SLC20A2: variants seen among roughly 807,000 people sequenced by gnomAD.
SLC20A2 encodes the protein sodium-dependent phosphate transporter 2.
Under a neutral mutation model 61.0 loss-of-function variants are expected in SLC20A2, and 30 were observed. The observed-to-expected ratio is 0.49, with a 90% CI of 0.37 to 0.67. The LOEUF is 0.67. Ranked by LOEUF, SLC20A2 falls within the 30% of genes least tolerant of loss-of-function variation. SLC20A2 has a pLI of 0.00. For missense variants in SLC20A2, 626 were observed against 866.4 expected (o/e 0.72, Z 3.48); for synonymous variants, 351 against 353.3 (o/e 0.99, Z 0.07).
chr8:42,536,198 TGCAGG>T (rs1812685487), intron 1 of SLC20A2, among the ~76,000 whole-genome samples: 1 of 152,232 alleles, frequency 6.6e-6, no homozygotes, highest in Non-Finnish European at 1.5e-5. Context: ...GTTTCTTTTA[TGCAGG>T]CCATCCCGAA....
At chr8:42,435,599 C>G (rs942188923) in intron 8 of SLC20A2, among the ~76,000 whole-genome samples, 2 of 152,148 alleles carry the variant, frequency 1.3e-5, no homozygotes, top group African/African-American at 4.8e-5. Context: ...CGCCCTGCTT[C>G]CTACACACCA....
intron 1 of SLC20A2, among the ~76,000 whole-genome samples, chr8:42,516,492 A>G (rs1811329642): frequency 6.6e-6 from 1 of 152,182 alleles, no homozygotes. Flanking sequence ...ATTGCTCTCT[A>G]GGGCAGCGCA....
intron 1 of SLC20A2, among the ~76,000 whole-genome samples, chr8:42,528,966 C>CTATTATTAT (rs113173529): frequency 3.4e-5 from 5 of 148,514 alleles, no homozygotes; most frequent in South Asian, 4.4e-4. Context: ...CGAGCCCGGC[C>CTATTATTAT]TATTATTATT....
At chr8:42,518,069 T>C (rs1395209136) in intron 1 of SLC20A2, among the ~76,000 whole-genome samples, 2 of 152,208 alleles carry the variant, frequency 1.3e-5, no homozygotes. Flanking sequence ...GCCTCCACAG[T>C]AGCTGGGACT....
At chr8:42,470,271 G>A in intron 2 of SLC20A2, among the ~76,000 whole-genome samples, 1 of 148,436 alleles carries the variant, frequency 6.7e-6, no homozygotes, top group Non-Finnish European at 1.5e-5. Context: ...ATGCTGGAGT[G>A]CAGTGGCACA....
At chr8:42,487,879 C>T (rs754436834) in intron 1 of SLC20A2, among the ~76,000 whole-genome samples, 6 of 152,192 alleles carry the variant, frequency 3.9e-5, no homozygotes, top group Non-Finnish European at 8.8e-5. Flanking sequence ...AAACTCTGTA[C>T]CCATTAGACA....
At chr8:42,487,155 G>A (rs1001176400) in intron 1 of SLC20A2, among the ~76,000 whole-genome samples, 14 of 147,818 alleles carry the variant, frequency 9.5e-5, no homozygotes, top group African/African-American at 3.0e-4. Context: ...GTGAGCCACC[G>A]TGCTTGGCCA....
In SLC20A2 at chr8:42,472,921, C is replaced by T. The variant is rs1447582189; in HGVS notation, c.-264-267G>A. Among the ~76,000 whole-genome samples, 1 of 152,174 alleles carries T rather than the reference C, an allele frequency of 6.6e-6. No homozygotes were observed. Among genetic ancestry groups the T allele is most frequent in the Non-Finnish European group, 1.5e-5 (1 of 68,034 alleles). ...GTAATCCTTACTAGGTTACATTTTTCATGCAATCGGAAAAACATATTTGGT... is the reference window on the plus strand; with the variant it reads ...GTAATCCTTACTAGGTTACATTTTTTATGCAATCGGAAAAACATATTTGGT... On this transcript the variant is annotated intron_variant, in intron 1 of 10. Transcript: ENST00000520262. The surrounding 1 kb of genome is among the most constrained non-coding windows in gnomAD (Gnocchi z 4.1).
chr8:42,483,972 T>C (rs1437032692), intron 1 of SLC20A2, among the ~76,000 whole-genome samples: 1 of 152,246 alleles, frequency 6.6e-6, no homozygotes, highest in Non-Finnish European at 1.5e-5. Flanking sequence ...TTATAAAACT[T>C]TTTGTTCCTG....
rs946277585 is a variant in SLC20A2 at position 42,472,793 on chromosome 8, G to A, written c.-264-139C>T. The A allele has an allele frequency of 3.7e-5, 6 of 161,308 alleles. No homozygotes were observed. Among genetic ancestry groups the A allele is most frequent in the African/African-American group, 1.2e-4 (5 of 41,530 alleles). The allele number at this position is 161,308 out of a possible 1,614,324, so 10.0% of individuals were successfully genotyped here. On this transcript the variant is annotated intron_variant, in intron 1 of 10. Transcript: ENST00000520262. This position sits in a 1 kb window ranked among gnomAD's most constrained non-coding sequence, Gnocchi z 4.1. ...CGGACCTAACCATAAAGCAATTCAA[G>A]GAAGATTATAATTAGGATAACCACC...
chr8:42,486,140 C>CTGTG (rs59925363), intron 1 of SLC20A2, among the ~76,000 whole-genome samples: 4,792 of 148,988 alleles, frequency 0.032, 66 homozygotes, highest in African/African-American at 0.039. Context: ...AGCTCTCTCA[C>CTGTG]TGTGTGTGTG....
In SLC20A2 at chr8:42,532,662, A is replaced by C. The variant is rs191645588; in HGVS notation, c.-265+9159T>G. Among the ~76,000 whole-genome samples, 456 of 152,326 alleles carry C rather than the reference A, an allele frequency of 3.0e-3. 3 individuals carry two copies. Among genetic ancestry groups the C allele is most frequent in the Non-Finnish European group, 5.1e-3 (349 of 68,034 alleles). On this transcript the variant is annotated intron_variant, in intron 1 of 10. Coordinates refer to the SLC20A2 transcript ENST00000342228. Reference sequence around the variant, plus strand: ...TAGTAATACCTATTAATAGAAAAAGAGCTCAAGGACCAAGTGCACAAGGAC... The same window carrying C: ...TAGTAATACCTATTAATAGAAAAAGCGCTCAAGGACCAAGTGCACAAGGAC...
At position 42,456,005 on chromosome 8, in the gene SLC20A2, A is replaced by C. The variant is rs1806165660; in HGVS notation, c.613+3891T>G. Among the ~76,000 whole-genome samples the C allele has an allele frequency of 2.6e-5, 4 of 152,282 alleles. 1 individual carries two copies. In the South Asian group the frequency reaches 8.3e-4, roughly 32 times the overall value. ...CTCACAACAACCCTATGAAGTATTT[A>C]TATTAGTATTTATATTATTCTTAGA... On this transcript the variant is annotated intron_variant, in intron 5 of 10. Coordinates refer to ENST00000520262, the MANE Select transcript of SLC20A2 (RefSeq NM_001257180.2).
chr8:42,451,144 CA>C (rs1805601502), intron 5 of SLC20A2, among the ~76,000 whole-genome samples: 1 of 150,080 alleles, frequency 6.7e-6, no homozygotes, highest in Admixed American at 6.7e-5. Flanking sequence ...GGAGGAGGAA[CA>C]GGGGGAGGAG....
Position 42,428,738 on chromosome 8 carries a change from C to G in SLC20A2, c.1794+20G>C. Reference sequence around the variant, plus strand: ...TGTCCCAGCGGCCTGGGGAAGGGCTCCCGGCTAGCAGGGGCCTACCTTACA... The same window carrying G: ...TGTCCCAGCGGCCTGGGGAAGGGCTGCCGGCTAGCAGGGGCCTACCTTACA... On this transcript the variant is annotated intron_variant, in intron 10 of 10. Transcript: ENST00000520262. 6.2e-7 allele frequency: 1 copy of G among 1,604,230 alleles called. No homozygotes were observed. The highest frequency in any genetic ancestry group is 1.1e-5 in the South Asian group (1 of 89,302).
At chr8:42,439,976 T>C (rs943953626) in intron 6 of SLC20A2, among the ~76,000 whole-genome samples, 2 of 150,942 alleles carry the variant, frequency 1.3e-5, no homozygotes, top group African/African-American at 4.9e-5. Flanking sequence ...TTCCAACTAC[T>C]TGGGAGGCTG....
At chr8:42,426,639 G>A (rs1238979120) in intron 10 of SLC20A2, among the ~76,000 whole-genome samples, 1 of 152,188 alleles carries the variant, frequency 6.6e-6, no homozygotes, top group Non-Finnish European at 1.5e-5. Flanking sequence ...AGGCTGCGGT[G>A]AGCTGGGACC....
intron 1 of SLC20A2, among the ~76,000 whole-genome samples, chr8:42,537,349 C>A (rs187331306): frequency 2.3e-5 from 3 of 128,044 alleles, no homozygotes; most frequent in Non-Finnish European, 1.6e-5. Context: ...CTAACCCGGG[C>A]GACAGAGTGA....
At chr8:42,509,763 A>C (rs1419298995) in intron 1 of SLC20A2, among the ~76,000 whole-genome samples, 1 of 152,050 alleles carries the variant, frequency 6.6e-6, no homozygotes, top group Non-Finnish European at 1.5e-5. Flanking sequence ...CAACAAAACA[A>C]AACAAAACAA....
Sources: gnomAD v4.1 joint callset for allele counts (sites outside exome capture counted in the v4.1 genomes callset) on GRCh38, gnomAD v4.1.1 for gene constraint, Gnocchi (gnomAD v3.1) non-coding constraint, MANE v1.5 for transcripts, NCBI Gene and HGNC (gene_info 2026-07-23, HGNC 2026-07-21) for gene names.